RBMS3: variants seen among roughly 807,000 people sequenced by gnomAD.
RBMS3 encodes RNA-binding motif, single-stranded-interacting protein 3.
In RBMS3, 27 loss-of-function variants were observed where a neutral mutation model predicts 66.8. That is an observed-to-expected ratio of 0.40 (90% CI 0.30 to 0.56). RBMS3 has a LOEUF of 0.56. Among genes scored for constraint, RBMS3 ranks in the 20% least tolerant of loss-of-function variants. The pLI, the probability that RBMS3 is intolerant of heterozygous loss-of-function variation, is 0.40. For synonymous variants in RBMS3, 188 were observed against 183.0 expected, an observed-to-expected ratio of 1.03 and a Z score of -0.22; for missense variants, 513 against 549.5, an observed-to-expected ratio of 0.93 and a Z score of 0.66.
At chr3:29,451,879 G>A (rs556110462) in intron 2 of RBMS3, among the ~76,000 whole-genome samples, 14 of 152,178 alleles carry the variant, frequency 9.2e-5, no homozygotes, top group African/African-American at 2.9e-4. Flanking sequence ...TGTGTGAATC[G>A]TGTGAACAAA....
chr3:29,533,145 A>G (rs942093382), intron 3 of RBMS3, among the ~76,000 whole-genome samples: 1 of 152,148 alleles, frequency 6.6e-6, no homozygotes, highest in African/African-American at 2.4e-5. Context: ...TTCCAGGTTC[A>G]TTTTAATGCA....
chr3:29,602,847 A>G (rs2048194366), intron 4 of RBMS3, among the ~76,000 whole-genome samples: 1 of 151,984 alleles, frequency 6.6e-6, no homozygotes, highest in Non-Finnish European at 1.5e-5. Context: ...GATTTTCTAC[A>G]GAGTATCCAG....
At chr3:29,520,991 G>A (rs888107086) in intron 3 of RBMS3, among the ~76,000 whole-genome samples, 1 of 151,924 alleles carries the variant, frequency 6.6e-6, no homozygotes, top group Non-Finnish European at 1.5e-5. Context: ...TCAGGTCTCC[G>A]CTCACATGTC....
At chr3:29,896,384 T>C (rs564471706) in intron 8 of RBMS3, among the ~76,000 whole-genome samples, 1 of 151,236 alleles carries the variant, frequency 6.6e-6, no homozygotes, top group East Asian at 2.0e-4. Context: ...AAACAAAACA[T>C]AGTAATTGAG....
chr3:29,428,067 G>T (rs1186508352), intron 1 of RBMS3, among the ~76,000 whole-genome samples: 3 of 152,168 alleles, frequency 2.0e-5, no homozygotes, highest in African/African-American at 7.2e-5. Flanking sequence ...AATGCCATGC[G>T]AAGTTGAACT....
rs186306776 is a variant in RBMS3, at chr3:29,489,770, C to T, written c.307+1271C>T. ...AAAAAAAAAAAAAAGTACTGCTGGG[C>T]GCGGTGGCTCACGCCTATAATCCCA... On this transcript the variant is annotated intron_variant, in intron 3 of 14. Coordinates refer to ENST00000383767, the MANE Select transcript of RBMS3 (RefSeq NM_001003793.3). Among the ~76,000 whole-genome samples, 1,354 of 146,874 alleles carry T rather than the reference C, an allele frequency of 9.2e-3. 14 individuals carry two copies. The highest frequency in any genetic ancestry group is 0.038 in the South Asian group (176 of 4,620).
chr3:29,446,721 C>T (rs2041844506), intron 2 of RBMS3, among the ~76,000 whole-genome samples: 1 of 152,012 alleles, frequency 6.6e-6, no homozygotes, highest in African/African-American at 2.4e-5. Flanking sequence ...TATAATAAAG[C>T]AGTTTAAAAC....
chr3:29,701,635 T>C (rs778530613), intron 4 of RBMS3, among the ~76,000 whole-genome samples: 132 of 147,176 alleles, frequency 9.0e-4, no homozygotes, highest in Admixed American at 2.0e-3. Flanking sequence ...GTGTGAGTTC[T>C]GGGTGGGCGT....
chr3:29,551,969 A>G (rs2046195323), intron 3 of RBMS3, among the ~76,000 whole-genome samples: 1 of 151,642 alleles, frequency 6.6e-6, no homozygotes, highest in African/African-American at 2.4e-5. Flanking sequence ...ATATATTTGC[A>G]GTCTTCACAA....
chr3:29,812,787 G>A (rs1440029071), intron 6 of RBMS3, among the ~76,000 whole-genome samples: 1 of 152,096 alleles, frequency 6.6e-6, no homozygotes, highest in Non-Finnish European at 1.5e-5. Flanking sequence ...TGCCTTCTGG[G>A]TGATGGAAAG....
intron 4 of RBMS3, among the ~76,000 whole-genome samples, chr3:29,624,322 C>T (rs1458351537): frequency 6.6e-6 from 1 of 152,140 alleles, no homozygotes; most frequent in African/African-American, 2.4e-5. Context: ...AAAAACAAAA[C>T]CCCCTGAAAT....
chr3:29,718,005 A>C (rs1056834072), intron 4 of RBMS3, among the ~76,000 whole-genome samples: 1 of 152,152 alleles, frequency 6.6e-6, no homozygotes, highest in Non-Finnish European at 1.5e-5. Context: ...TCACAGGAGG[A>C]CAATCATAAA....
intron 8 of RBMS3, among the ~76,000 whole-genome samples, chr3:29,893,123 G>C (rs945504773): frequency 6.6e-6 from 1 of 151,394 alleles, no homozygotes; most frequent in Admixed American, 6.6e-5. Flanking sequence ...ACCAGAATTA[G>C]GAGATCAAGA....
At chr3:29,594,379 CA>C (rs2047870912) in intron 4 of RBMS3, among the ~76,000 whole-genome samples, 1 of 152,082 alleles carries the variant, frequency 6.6e-6, no homozygotes, top group East Asian at 1.9e-4. Flanking sequence ...AAGAATATGA[CA>C]AGACACCTTC....
chr3:29,701,002 A>C (rs2052545486), intron 4 of RBMS3, among the ~76,000 whole-genome samples: 1 of 152,182 alleles, frequency 6.6e-6, no homozygotes, highest in South Asian at 2.1e-4. Flanking sequence ...ATTTGAAATT[A>C]ATTCTGAGAA....
chr3:29,548,973 C>A (rs2046079456), intron 3 of RBMS3, among the ~76,000 whole-genome samples: 1 of 150,088 alleles, frequency 6.7e-6, no homozygotes. Flanking sequence ...CAAGTCTTTT[C>A]TTTTGAATAA....
At chr3:29,798,285 GGAAGA>G (rs1212425170) in intron 6 of RBMS3, among the ~76,000 whole-genome samples, 3 of 105,336 alleles carry the variant, frequency 2.8e-5, no homozygotes, top group African/African-American at 7.8e-5. Context: ...GGAAGGGAAG[GGAAGA>G]GAAGGGAAGG....
intron 4 of RBMS3, among the ~76,000 whole-genome samples, chr3:29,717,636 AGTGT>A (rs2149315969): frequency 6.6e-6 from 1 of 152,258 alleles, no homozygotes; most frequent in East Asian, 1.9e-4. Flanking sequence ...ACAATTATTC[AGTGT>A]GTACAGTAAT....
At chr3:29,395,969 A>T (rs2125654622) in intron 1 of RBMS3, among the ~76,000 whole-genome samples, 1 of 152,314 alleles carries the variant, frequency 6.6e-6, no homozygotes, top group Non-Finnish European at 1.5e-5. Context: ...GGAGCAAGAT[A>T]TTTGCATAGT....
Sources: allele counts gnomAD v4.1 joint callset (sites outside exome capture counted in the v4.1 genomes callset), GRCh38; gene constraint gnomAD v4.1.1; transcripts MANE v1.5; gene names NCBI Gene and HGNC (gene_info 2026-07-23, HGNC 2026-07-21).